The following KIAA0825 variants were observed in gnomAD, a reference collection of about 807,000 sequenced individuals.
KIAA0825 encodes uncharacterized protein KIAA0825.
Under a neutral mutation model 147.6 loss-of-function variants are expected in KIAA0825, and 119 were observed. The observed-to-expected ratio is 0.81, with a 90% CI of 0.69 to 0.94. KIAA0825 has a LOEUF of 0.94. KIAA0825 is among the 40% of genes least tolerant of loss of function. KIAA0825 has a pLI of 0.00. For missense variants in KIAA0825, 1,381 were observed against 1,472.7 expected, an observed-to-expected ratio of 0.94 and a Z score of 1.02; for synonymous variants, 470 against 518.1, an observed-to-expected ratio of 0.91 and a Z score of 1.26.
intron 2 of KIAA0825, among the ~76,000 whole-genome samples, chr5:94,559,682 G>C (rs1225445896): frequency 6.6e-6 from 1 of 152,078 alleles, no homozygotes; most frequent in Non-Finnish European, 1.5e-5. Context: ...GGTCATTTCA[G>C]CTTGACACTA....
chr5:94,420,943 T>C (rs255175), intron 14 of KIAA0825, among the ~76,000 whole-genome samples: 48,340 of 151,878 alleles, frequency 0.32, 7,898 homozygotes, highest in Middle Eastern at 0.36. Context: ...TTTTTTTCTC[T>C]AAGCCTCATC....
At chr5:94,589,116 C>G (rs185197273) in intron 1 of KIAA0825, among the ~76,000 whole-genome samples, 1 of 152,246 alleles carries the variant, frequency 6.6e-6, no homozygotes, top group East Asian at 1.9e-4. Context: ...TGCAACAAAC[C>G]TGCACATTGT....
intron 20 of KIAA0825, among the ~76,000 whole-genome samples, chr5:94,379,844 CTTTTTTT>C (rs59886046): frequency 1.3e-4 from 7 of 55,716 alleles, no homozygotes; most frequent in Non-Finnish European, 2.0e-4. Context: ...GTATTTTATT[CTTTTTTT>C]TTTTTTTTTT....
At position 94,469,947 on chromosome 5, in the gene KIAA0825, A is replaced by G. The variant is rs1476306566; in HGVS notation, c.1872+14T>C. ...TTTGTGTAAAAAGGAGGGATAGTAAACTTAACTTCACACCTCATAAAAAGC... is the reference window on the plus strand; with the variant it reads ...TTTGTGTAAAAAGGAGGGATAGTAAGCTTAACTTCACACCTCATAAAAAGC... On this transcript the variant is annotated intron_variant, in intron 10 of 20. Coordinates refer to ENST00000682413, the MANE Select transcript of KIAA0825 (RefSeq NM_001145678.3). The G allele has an allele frequency of 6.5e-7, 1 of 1,533,784 alleles. No homozygotes were observed. Among genetic ancestry groups the G allele is most frequent in the East Asian group, 2.5e-5 (1 of 40,408 alleles).
intron 12 of KIAA0825, among the ~76,000 whole-genome samples, chr5:94,454,434 T>G (rs1453292999): frequency 2.0e-5 from 3 of 152,236 alleles, no homozygotes; most frequent in African/African-American, 7.2e-5. Flanking sequence ...GAACATCTTC[T>G]AATTAAATAG....
At chr5:94,570,005 A>G (rs1037319216) in intron 2 of KIAA0825, 9 of 152,762 alleles carry the variant, frequency 5.9e-5, no homozygotes, top group South Asian at 4.1e-4. Context: ...CATTCCATAC[A>G]TCGGAACAGA....
rs770216740 is a variant in KIAA0825 at position 94,197,217 on chromosome 5, C to T, written c.3711-43093G>A. Among the ~76,000 whole-genome samples the T allele has an allele frequency of 7.2e-5, 11 of 152,004 alleles. No homozygotes were observed. In the South Asian group the frequency reaches 1.0e-3, roughly 14 times the overall value. On this transcript the variant is annotated intron_variant, in intron 20 of 20. Transcript: ENST00000682413. Reference sequence around the variant, plus strand: ...TTTGATTTGCATTTCTTGAATGATTCGTGATGTTGACCATTTTTTTCACAT... The same window carrying T: ...TTTGATTTGCATTTCTTGAATGATTTGTGATGTTGACCATTTTTTTCACAT...
intron 14 of KIAA0825, among the ~76,000 whole-genome samples, chr5:94,435,178 T>C (rs556484162): frequency 6.6e-6 from 1 of 152,154 alleles, no homozygotes; most frequent in East Asian, 1.9e-4. Context: ...TGCAAACTTG[T>C]TACATAGGTA....
intron 3 of KIAA0825, among the ~76,000 whole-genome samples, chr5:94,535,603 T>C (rs1771841944): frequency 6.6e-6 from 1 of 152,046 alleles, no homozygotes; most frequent in African/African-American, 2.4e-5. Context: ...AGCAGTCCTT[T>C]TGTCAGCTTT....
chr5:94,389,854 C>T (rs1350088818), intron 18 of KIAA0825, among the ~76,000 whole-genome samples: 1 of 152,198 alleles, frequency 6.6e-6, no homozygotes, highest in Non-Finnish European at 1.5e-5. Flanking sequence ...TGCCTCTAGC[C>T]TCACCTAACA....
chr5:94,499,536 C>T (rs1764788602), intron 5 of KIAA0825, among the ~76,000 whole-genome samples: 1 of 129,630 alleles, frequency 7.7e-6, no homozygotes, highest in South Asian at 2.6e-4. Context: ...AACTGCTTGT[C>T]TGTGTAACTT....
At chr5:94,615,318 T>G (rs140917235) in intron 1 of KIAA0825, among the ~76,000 whole-genome samples, 1 of 152,164 alleles carries the variant, frequency 6.6e-6, no homozygotes, top group East Asian at 1.9e-4. Flanking sequence ...AACTCCTATA[T>G]GTTATAGATG....
At chr5:94,478,043 C>A (rs1283038449) in intron 6 of KIAA0825, among the ~76,000 whole-genome samples, 3 of 152,080 alleles carry the variant, frequency 2.0e-5, no homozygotes, top group Non-Finnish European at 2.9e-5. Context: ...TTTCTTTATG[C>A]CTGGGCAAAG....
chr5:94,594,456 T>A, intron 1 of KIAA0825: 2 of 740,290 alleles, frequency 2.7e-6, no homozygotes, highest in South Asian at 2.7e-5. Context: ...TGAGTGTATC[T>A]TGGAAGAAAG....
At chr5:94,396,991 A>G (rs1396995255) in intron 16 of KIAA0825, among the ~76,000 whole-genome samples, 1 of 149,864 alleles carries the variant, frequency 6.7e-6, no homozygotes, top group Non-Finnish European at 1.5e-5. Context: ...TCACCATCTT[A>G]TCTCATCTCA....
chr5:94,294,031 T>C (rs1000266815), intron 20 of KIAA0825, among the ~76,000 whole-genome samples: 11 of 152,222 alleles, frequency 7.2e-5, no homozygotes, highest in African/African-American at 2.7e-4. Context: ...CCTTTGCACG[T>C]GGGATGGGTC....
chr5:94,236,692 C>T (rs1379729452), intron 20 of KIAA0825, among the ~76,000 whole-genome samples: 19 of 152,144 alleles, frequency 1.2e-4, no homozygotes. Flanking sequence ...TCATTGTTCT[C>T]TTATTTAAGA....
chr5:94,462,625 T>A, intron 11 of KIAA0825, 56 bp from the exon 12 acceptor site: 1 of 1,070,704 alleles, frequency 9.3e-7, no homozygotes. Flanking sequence ...CTCTGCTTGG[T>A]AGGCACTTTC....
At chr5:94,267,920 C>A (rs1776806162) in intron 20 of KIAA0825, among the ~76,000 whole-genome samples, 1 of 152,100 alleles carries the variant, frequency 6.6e-6, no homozygotes, top group South Asian at 2.1e-4. Flanking sequence ...GCAGTCTATG[C>A]AGCCTGTGTT....
Sources: gnomAD v4.1 joint callset for allele counts (sites outside exome capture counted in the v4.1 genomes callset) on GRCh38, gnomAD v4.1.1 for gene constraint, MANE v1.5 for transcripts, NCBI Gene and HGNC (gene_info 2026-07-23, HGNC 2026-07-21) for gene names.